Variants in FRMPD4 observed in about 807,000 individuals in gnomAD.
The protein encoded by FRMPD4 is FERM and PDZ domain containing 4.
FRMPD4 carries 22 observed loss-of-function variants against 94.1 expected under a neutral mutation model. The ratio of observed to expected loss-of-function variants is 0.23; its 90% CI spans 0.17 to 0.33. The LOEUF is 0.33. Among genes scored for constraint, FRMPD4 ranks in the 10% least tolerant of loss-of-function variants. The pLI is 1.00. For synonymous variants in FRMPD4, 631 were observed against 548.6 expected (o/e 1.15, Z -2.10); for missense variants, 1,111 against 1,339.9 (o/e 0.83, Z 2.67).
At chrX:12,483,559 A>G (rs5978535) in intron 1 of FRMPD4, among the ~76,000 whole-genome samples, 4,284 of 112,051 alleles carry the variant, frequency 0.038, 228 homozygotes, top group African/African-American at 0.13. Flanking sequence ...GCATTTGGAT[A>G]TAGAATGGAG....
chrX:12,567,008 A>G (rs1355667316), intron 2 of FRMPD4, among the ~76,000 whole-genome samples: 1 of 111,047 alleles, frequency 9.0e-6, no homozygotes, highest in African/African-American at 3.3e-5. Context: ...CCTTCATTCC[A>G]TTTCAATATA....
intron 16 of FRMPD4, among the ~76,000 whole-genome samples, chrX:12,720,014 G>C (rs1316672974): frequency 1.0e-4 from 4 of 38,247 alleles, no homozygotes; most frequent in Non-Finnish European, 1.5e-4. Context: ...GGAAAGGAAA[G>C]GAAAGGAAAG....
At chrX:12,106,350 AG>A (rs1181382292) in intron 3 of FRMPD4, among the ~76,000 whole-genome samples, 1 of 111,749 alleles carries the variant, frequency 8.9e-6, no homozygotes, top group Non-Finnish European at 1.9e-5. Context: ...CAGATTCATG[AG>A]TTAATATACA....
Position 11,855,010 on chromosome X carries a change from C to A in FRMPD4, c.-160-10076C>A, listed in dbSNP as rs771191057. On this transcript the variant is annotated intron_variant, in intron 1 of 18. Transcript: ENST00000640291. ...CCCCTGCAGCATACTTCTGCTTGGA[C>A]AACCGGGCATTTCCATATATCCTCT... Among the ~76,000 whole-genome samples the A allele has an allele frequency of 7.1e-5, 8 of 112,090 alleles. No individual in the cohort carries two copies. The East Asian group carries it at 2.3e-3, about 32-fold the overall frequency.
chrX:12,169,589 C>G (rs965011823), intron 1 of FRMPD4, among the ~76,000 whole-genome samples: 4 of 111,700 alleles, frequency 3.6e-5, no homozygotes, highest in Non-Finnish European at 7.5e-5. Context: ...TGCTTTCCTA[C>G]TACAATGGTG....
chrX:12,647,529 T>C (rs143181839), intron 4 of FRMPD4, among the ~76,000 whole-genome samples: 94 of 111,879 alleles, frequency 8.4e-4, no homozygotes, highest in Non-Finnish European at 1.4e-3. Context: ...GGGTGGACTT[T>C]AGCAGCCAGA....
chrX:12,231,046 AT>A (rs1362302026), intron 1 of FRMPD4, among the ~76,000 whole-genome samples: 4 of 65,057 alleles, frequency 6.1e-5, no homozygotes, highest in African/African-American at 2.5e-4. Flanking sequence ...ATATATATAT[AT>A]AAAATATATA....
chrX:12,552,680 C>G (rs2058549339), intron 2 of FRMPD4, among the ~76,000 whole-genome samples: 1 of 111,922 alleles, frequency 8.9e-6, no homozygotes, highest in Admixed American at 9.5e-5. Context: ...TAAATTTAAT[C>G]TTGCTCTATA....
At chrX:12,711,135 T>C (rs1043128627) in intron 14 of FRMPD4, among the ~76,000 whole-genome samples, 20 of 111,464 alleles carry the variant, frequency 1.8e-4, no homozygotes, top group Non-Finnish European at 3.0e-4. Context: ...GGCTGGGTTT[T>C]CATGGCCTTA....
intron 1 of FRMPD4, among the ~76,000 whole-genome samples, chrX:12,308,520 C>T (rs1354335524): frequency 1.8e-5 from 2 of 111,428 alleles, no homozygotes; most frequent in Non-Finnish European, 3.8e-5. Flanking sequence ...GACTTCTCTT[C>T]CCTGCTGTGC....
At chrX:12,235,459 A>G (rs967223330) in intron 1 of FRMPD4, among the ~76,000 whole-genome samples, 4 of 112,132 alleles carry the variant, frequency 3.6e-5, no homozygotes, top group African/African-American at 1.3e-4. Context: ...TCATTCGTAT[A>G]ATACAACTTG....
At chrX:12,503,078 G>T (rs1029534979) in intron 2 of FRMPD4, among the ~76,000 whole-genome samples, 1 of 112,180 alleles carries the variant, frequency 8.9e-6, no homozygotes, top group African/African-American at 3.2e-5. Flanking sequence ...AAAGTAACAT[G>T]ATTCATAAAT....
At chrX:12,557,295 A>G (rs771221089) in intron 2 of FRMPD4, among the ~76,000 whole-genome samples, 26 of 111,395 alleles carry the variant, frequency 2.3e-4, no homozygotes, top group African/African-American at 8.5e-4. Context: ...ATGAAACCTC[A>G]CAGGTAGCAG....
intron 1 of FRMPD4, among the ~76,000 whole-genome samples, chrX:12,430,297 C>T (rs1391437534): frequency 8.9e-6 from 1 of 112,038 alleles, no homozygotes; most frequent in African/African-American, 3.2e-5. Flanking sequence ...CCATGAAAAC[C>T]CTTACTGAAT....
chrX:12,244,132 TA>T (rs1176957131), intron 1 of FRMPD4, among the ~76,000 whole-genome samples: 28 of 110,813 alleles, frequency 2.5e-4, no homozygotes, highest in African/African-American at 5.6e-4. Flanking sequence ...TTTTGTTTTT[TA>T]TTTTTTTTAA....
intron 1 of FRMPD4, among the ~76,000 whole-genome samples, chrX:12,171,943 T>C (rs1210371002): frequency 9.0e-6 from 1 of 111,033 alleles, no homozygotes; most frequent in Non-Finnish European, 1.9e-5. Context: ...CCACAAATCC[T>C]GATGCTGGTT....
At chrX:12,128,958 TG>T in intron 3 of FRMPD4, among the ~76,000 whole-genome samples, 1 of 112,088 alleles carries the variant, frequency 8.9e-6, no homozygotes, top group Middle Eastern at 4.6e-3. Context: ...TACCTCAGCC[TG>T]GACTTCATTG....
chrX:12,076,991 C>G (rs1026104512), intron 3 of FRMPD4, among the ~76,000 whole-genome samples: 1 of 111,830 alleles, frequency 8.9e-6, no homozygotes, highest in African/African-American at 3.3e-5. Flanking sequence ...AGTGGCACAG[C>G]GTTGCATTTT....
At chrX:11,999,995 C>T (rs1461517914) in intron 3 of FRMPD4, among the ~76,000 whole-genome samples, 2 of 111,844 alleles carry the variant, frequency 1.8e-5, no homozygotes, top group Admixed American at 9.5e-5. Flanking sequence ...TACTCTTTGA[C>T]GAAAAGAACT....
Sources: gnomAD v4.1 joint callset for allele counts (sites outside exome capture counted in the v4.1 genomes callset) on GRCh38, gnomAD v4.1.1 for gene constraint, MANE v1.5 for transcripts, NCBI Gene and HGNC (gene_info 2026-07-23, HGNC 2026-07-21) for gene names.